The following SLC25A26 variants were observed in gnomAD, a reference collection of about 807,000 sequenced individuals.
The protein encoded by SLC25A26 is solute carrier family 25 member 26.
In SLC25A26, 36 loss-of-function variants were observed where a neutral mutation model predicts 37.8. The ratio of observed to expected loss-of-function variants is 0.95; its 90% CI spans 0.73 to 1.26. The LOEUF (loss-of-function observed/expected upper bound fraction) is 1.26. Among genes scored for constraint, SLC25A26 ranks in the 50% most tolerant of loss-of-function variants. SLC25A26 has a pLI of 0.00. For missense variants in SLC25A26, 390 were observed against 331.1 expected, an observed-to-expected ratio of 1.18 and a Z score of -1.38; for synonymous variants, 129 against 122.5, an observed-to-expected ratio of 1.05 and a Z score of -0.35.
At chr3:66,294,563 C>T (rs1469170604) in intron 5 of SLC25A26, among the ~76,000 whole-genome samples, 4 of 152,090 alleles carry the variant, frequency 2.6e-5, no homozygotes, top group Non-Finnish European at 5.9e-5. Flanking sequence ...TCATGCATAA[C>T]TCCTCAAGTT....
chr3:66,249,857 T>C (rs1487305904), intron 3 of SLC25A26, among the ~76,000 whole-genome samples: 4 of 152,216 alleles, frequency 2.6e-5, no homozygotes, highest in Admixed American at 6.5e-5. Flanking sequence ...GTATGACTAT[T>C]ACCAGGAAAC....
chr3:66,326,358 G>A (rs1257511052), intron 5 of SLC25A26, among the ~76,000 whole-genome samples: 1 of 152,200 alleles, frequency 6.6e-6, no homozygotes, highest in Admixed American at 6.5e-5. Flanking sequence ...GCAAAGTTCT[G>A]AGGAGATGCA....
intron 6 of SLC25A26, among the ~76,000 whole-genome samples, chr3:66,361,828 G>A (rs1202062027): frequency 6.6e-6 from 1 of 152,158 alleles, no homozygotes; most frequent in Non-Finnish European, 1.5e-5. Flanking sequence ...TTAGCCGGGC[G>A]TGTTGGCAGG....
At chr3:66,355,658 C>T (rs920396418) in intron 6 of SLC25A26, among the ~76,000 whole-genome samples, 28 of 152,168 alleles carry the variant, frequency 1.8e-4, no homozygotes, top group African/African-American at 6.5e-4. Flanking sequence ...TATGTGAGTA[C>T]TTCACAGAGA....
intron 5 of SLC25A26, among the ~76,000 whole-genome samples, chr3:66,345,984 C>T (rs982052603): frequency 3.9e-5 from 6 of 152,124 alleles, no homozygotes; most frequent in African/African-American, 7.2e-5. Context: ...CTTGAGCCCT[C>T]AAGTTTGAGA....
chr3:66,284,058 C>T (rs367657300), intron 5 of SLC25A26, among the ~76,000 whole-genome samples: 7 of 152,108 alleles, frequency 4.6e-5, no homozygotes, highest in East Asian at 1.9e-4. Flanking sequence ...TTAAATATTT[C>T]GGGATAGACT....
intron 1 of SLC25A26, among the ~76,000 whole-genome samples, chr3:66,190,510 C>A (rs1296873886): frequency 1.3e-5 from 2 of 152,164 alleles, no homozygotes; most frequent in Non-Finnish European, 2.9e-5. Context: ...CTCACTACAA[C>A]CTCTGCCTCC....
At chr3:66,277,453 ATGT>A (rs2074193542) in intron 5 of SLC25A26, among the ~76,000 whole-genome samples, 1 of 152,042 alleles carries the variant, frequency 6.6e-6, no homozygotes, top group African/African-American at 2.4e-5. Context: ...AAATGGGGAG[ATGT>A]TGTTCAAAGG....
At chr3:66,137,210 T>G (rs2069959288) in intron 1 of SLC25A26, among the ~76,000 whole-genome samples, 2 of 147,426 alleles carry the variant, frequency 1.4e-5, no homozygotes, top group African/African-American at 5.1e-5. Context: ...ATGCTGTGAT[T>G]TTCTTTCTTT....
intron 1 of SLC25A26, among the ~76,000 whole-genome samples, chr3:66,226,366 A>G (rs543160163): frequency 2.0e-5 from 3 of 152,334 alleles, no homozygotes; most frequent in Non-Finnish European, 2.9e-5. Flanking sequence ...TGCCACCATG[A>G]TTCAATTACC....
At chr3:66,137,990 C>A (rs1308672944) in intron 1 of SLC25A26, among the ~76,000 whole-genome samples, 4 of 151,996 alleles carry the variant, frequency 2.6e-5, no homozygotes, top group Non-Finnish European at 5.9e-5. Flanking sequence ...TGCATTACCA[C>A]ACCCAGCTAA....
chr3:66,205,452 A>G (rs1340322830), intron 1 of SLC25A26, among the ~76,000 whole-genome samples: 3 of 152,210 alleles, frequency 2.0e-5, no homozygotes, highest in African/African-American at 7.2e-5. Context: ...GACTAAAATA[A>G]TGAAGATAAT....
rs1288409390 is a variant in SLC25A26, at chr3:66,378,755, G to T, written c.*948G>T. ...CTTTTTTGGGGGAAGATAATTAAAG[G>T]CAGAATGACTGCGTTTGTAAAAGAA... On this transcript the variant is annotated 3_prime_UTR_variant, in exon 10 of 10. Coordinates refer to ENST00000354883, the MANE Select transcript of SLC25A26 (RefSeq NM_001379210.1). 6.6e-6 allele frequency: 1 copy of T among 152,440 alleles called. No homozygotes were observed. The highest frequency in any genetic ancestry group is 1.5e-5 in the Non-Finnish European group (1 of 68,012). 9.4% of individuals were successfully genotyped at this position (152,440 alleles called of 1,614,324 possible).
At chr3:66,215,516 TG>T (rs1247689182) in intron 1 of SLC25A26, among the ~76,000 whole-genome samples, 1 of 152,222 alleles carries the variant, frequency 6.6e-6, no homozygotes, top group African/African-American at 2.4e-5. Flanking sequence ...TGAAAAAATA[TG>T]TAACCGTTTT....
intron 5 of SLC25A26, among the ~76,000 whole-genome samples, chr3:66,294,954 A>C (rs987315303): frequency 6.6e-6 from 1 of 152,218 alleles, no homozygotes; most frequent in Admixed American, 6.5e-5. Flanking sequence ...AAAAAATATA[A>C]ACTGTTAACT....
intron 1 of SLC25A26, among the ~76,000 whole-genome samples, chr3:66,206,106 G>A (rs878961814): frequency 0.25 from 38,700 of 152,026 alleles, 7,247 homozygotes; most frequent in African/African-American, 0.5. Flanking sequence ...ACATAGCTCA[G>A]TTGTGCCTGC....
intron 1 of SLC25A26, among the ~76,000 whole-genome samples, chr3:66,224,278 G>C (rs943654211): frequency 5.9e-5 from 9 of 152,148 alleles, no homozygotes; most frequent in Non-Finnish European, 7.3e-5. Context: ...CTGAGACTGG[G>C]TAATTTATAA....
chr3:66,247,266 A>AATATAT (rs941669457), intron 3 of SLC25A26, among the ~76,000 whole-genome samples: 1 of 120,920 alleles, frequency 8.3e-6, no homozygotes, highest in Non-Finnish European at 1.8e-5. Flanking sequence ...TATAAATATA[A>AATATAT]ATATATATAT....
chr3:66,256,403 C>G (rs539042039), intron 3 of SLC25A26, among the ~76,000 whole-genome samples: 8 of 152,048 alleles, frequency 5.3e-5, no homozygotes, highest in Non-Finnish European at 8.8e-5. Context: ...TTCTTCCTCA[C>G]TTAAAATCTT....
Sources: allele counts gnomAD v4.1 joint callset (sites outside exome capture counted in the v4.1 genomes callset), GRCh38; gene constraint gnomAD v4.1.1; transcripts MANE v1.5; gene names NCBI Gene and HGNC (gene_info 2026-07-23, HGNC 2026-07-21).